Variants in LBP observed in about 807,000 individuals in gnomAD.
LBP encodes lipopolysaccharide-binding protein.
In LBP, 53 loss-of-function variants were observed where a neutral mutation model predicts 56.6. The ratio of observed to expected loss-of-function variants is 0.94; its 90% CI spans 0.75 to 1.18. The LOEUF is 1.18. Among genes scored for constraint, LBP ranks in the 50% most tolerant of loss-of-function variants. The pLI, the probability that LBP is intolerant of heterozygous loss-of-function variation, is 0.00. For synonymous variants in LBP, 227 were observed against 247.5 expected (o/e 0.92, Z 0.78); for missense variants, 601 against 598.3 (o/e 1.00, Z -0.05).
chr20:38,373,958 C>G lies in LBP; in HGVS notation c.1346C>G (p.Pro449Arg). ...CTAGATAAGTTGGCCGAAGGCTTCC[C>G]CCTTCCTCTGCTGAAGCGTGTTCAG... ...KFNDKLAEGF[P>R]LPLLKRVQLY... is the part of the protein sequence containing the mutation. The change falls in exon 14 of 15, where the codon CCC (proline) becomes CGC (arginine). Residue 449 changes from proline (P) to arginine (R), a missense_variant. Physicochemically the swap from Pro to Arg is moderately radical, Grantham distance 103 (BLOSUM62 -2). Coordinates refer to ENST00000217407, the MANE Select transcript of LBP (RefSeq NM_004139.5). The G allele has an allele frequency of 6.2e-7, 1 of 1,614,144 alleles. No homozygotes were observed. The highest frequency in any genetic ancestry group is 8.5e-7 in the Non-Finnish European group (1 of 1,180,008).
rs2076892656 is a variant in LBP, at chr20:38,369,123, G to A, written c.1110G>A (p.Leu370=). 24 of 1,613,970 alleles carry A rather than the reference G, an allele frequency of 1.5e-5. No homozygotes were observed. The East Asian group carries it at 4.2e-4, about 28-fold the overall frequency. ...PYMEIDAFVL[L]PSSSKEPVFR... ...TGGAGATAGATGCCTTTGTGCTCCT[G>A]CCCAGCTCCAGCAAGGAGCCTGTCT... Residue 370 remains leucine (L), a synonymous_variant, in exon 10 of 15, where the codon CTG becomes CTA. Transcript: ENST00000217407.
At chr20:38,375,339 T>C (rs919718891) in intron 14 of LBP, among the ~76,000 whole-genome samples, 7 of 151,964 alleles carry the variant, frequency 4.6e-5, no homozygotes, top group African/African-American at 1.7e-4. Flanking sequence ...CCCCAGCACT[T>C]TGGGAGGCCA....
chr20:38,361,439 CTG>C (rs2122610976), intron 6 of LBP, among the ~76,000 whole-genome samples: 1 of 152,212 alleles, frequency 6.6e-6, no homozygotes, highest in South Asian at 2.1e-4. Context: ...GGGTCTCACT[CTG>C]TGTCCCAGGC....
chr20:38,371,872 C>T (rs2076902093), intron 12 of LBP, among the ~76,000 whole-genome samples: 1 of 152,160 alleles, frequency 6.6e-6, no homozygotes, highest in South Asian at 2.1e-4. Flanking sequence ...ATCTTAGGCA[C>T]CCAGTCTTAA....
At chr20:38,359,292 T>C (rs1389052860) in intron 5 of LBP, among the ~76,000 whole-genome samples, 2 of 152,182 alleles carry the variant, frequency 1.3e-5, no homozygotes, top group East Asian at 1.9e-4. Context: ...AGAACCCTTA[T>C]AGCTGGGGCC....
At chr20:38,376,344 C>A (rs544114086) in intron 14 of LBP, among the ~76,000 whole-genome samples, 2 of 152,158 alleles carry the variant, frequency 1.3e-5, no homozygotes, top group East Asian at 1.9e-4. Context: ...TCATTATTTG[C>A]CAAAGAGAGA....
Position 38,350,799 on chromosome 20 carries a change from C to T in LBP, c.240-12C>T. 1.9e-6 allele frequency: 3 copies of T among 1,597,102 alleles called. No homozygotes were observed. The highest frequency in any genetic ancestry group is 2.6e-6 in the Non-Finnish European group (3 of 1,167,768). ...CCAGGGCTGACACCTCCTTCCATGTCTCTCCCTTCAGCCTGAACATCCACA... is the reference window on the plus strand; with the variant it reads ...CCAGGGCTGACACCTCCTTCCATGTTTCTCCCTTCAGCCTGAACATCCACA... On this transcript the variant is annotated splice_polypyrimidine_tract_variant and intron_variant, in intron 2 of 14. Coordinates refer to ENST00000217407, the MANE Select transcript of LBP (RefSeq NM_004139.5).
At chr20:38,356,087 C>A (rs938430790) in intron 5 of LBP, among the ~76,000 whole-genome samples, 1 of 135,768 alleles carries the variant, frequency 7.4e-6, no homozygotes, top group African/African-American at 2.8e-5. Flanking sequence ...ACACACCACA[C>A]CCCACACACA....
chr20:38,353,816 A>G (rs1600723116), intron 3 of LBP, among the ~76,000 whole-genome samples: 1 of 151,964 alleles, frequency 6.6e-6, no homozygotes, highest in Non-Finnish European at 1.5e-5. Context: ...TGACTTTTAC[A>G]TGCTTATTTT....
At chr20:38,376,562 C>A in intron 14 of LBP, 63 bp from the exon 15 acceptor site, 1 of 1,457,794 alleles carries the variant, frequency 6.9e-7, no homozygotes, top group Non-Finnish European at 9.6e-7. Flanking sequence ...CTTTCAATCG[C>A]AGATGCATCT....
At chr20:38,369,944 G>T (rs1275366658) in intron 10 of LBP, among the ~76,000 whole-genome samples, 1 of 152,158 alleles carries the variant, frequency 6.6e-6, no homozygotes, top group African/African-American at 2.4e-5. Context: ...GGAGAACTCT[G>T]CTCTCTTGTT....
rs1249435969 is a variant in LBP, at chr20:38,348,777, AGTTTAGTTTAGTTTT to A, written c.125-766_125-752del. ...AGTTTAGTTTAGTTTAGTTTAGTTT[AGTTTAGTTTAGTTTT>A]GTTTTGTTTTGTTTTGTTTGAGACA... is the stretch of plus-strand genomic sequence containing the variant. On this transcript the variant is annotated intron_variant, in intron 1 of 14. Coordinates refer to ENST00000217407, the MANE Select transcript of LBP (RefSeq NM_004139.5). Among the ~76,000 whole-genome samples, 1,255 of 130,690 alleles carry A rather than the reference AGTTTAGTTTAGTTTT, an allele frequency of 9.6e-3. 15 individuals carry two copies. Among genetic ancestry groups the A allele is most frequent in the African/African-American group, 0.032 (1,125 of 34,858 alleles). 85.7% of individuals were successfully genotyped at this position (130,690 alleles called of 152,430 possible).
In LBP at chr20:38,360,735, C is replaced by T. The variant is rs1359863793; in HGVS notation, c.620C>T (p.Ser207Phe). ...ICEMIQKSVSSDLQPYLQTLP... is the reference protein window; with the variant it reads ...ICEMIQKSVSFDLQPYLQTLP... The stretch of plus-strand genomic sequence containing the variant: ...GAAATGATCCAGAAATCAGTGTCCT[C>T]CGATCTACAGCCTTATCTCCAAACT... The change falls in exon 6 of 15, where the codon TCC becomes TTC. Residue 207 changes from serine (S) to phenylalanine (F), a missense_variant. By Grantham distance (155) the Ser-to-Phe change is radical (BLOSUM62 -2). Transcript: ENST00000217407. 1 of 1,613,094 alleles carries T rather than the reference C, an allele frequency of 6.2e-7. No homozygotes were observed. Among genetic ancestry groups the T allele is most frequent in the Non-Finnish European group, 8.5e-7 (1 of 1,179,248 alleles).
chr20:38,353,827 G>T (rs1167810470), intron 3 of LBP, among the ~76,000 whole-genome samples: 1 of 151,788 alleles, frequency 6.6e-6, no homozygotes, highest in Non-Finnish European at 1.5e-5. Flanking sequence ...TGCTTATTTT[G>T]TACTGCATTT....
intron 9 of LBP, among the ~76,000 whole-genome samples, chr20:38,367,860 ATC>A (rs908920245): frequency 6.4e-4 from 97 of 152,268 alleles, no homozygotes; most frequent in Non-Finnish European, 1.1e-3. Flanking sequence ...CTCTGTACCT[ATC>A]TCTAGTACAC....
At position 38,376,713 on chromosome 20, in the gene LBP, G is replaced by C. The variant is rs751736542; in HGVS notation, c.*44G>C. 1 of 1,547,642 alleles carries C rather than the reference G, an allele frequency of 6.5e-7. No individual in the cohort carries two copies. The highest frequency in any genetic ancestry group is 8.9e-7 in the Non-Finnish European group (1 of 1,119,836). ...TTGGAGGTCACAGCTGGATCTGCTT[G>C]TTGCATTTCCAGCTGTGCAGCACGT... On this transcript the variant is annotated 3_prime_UTR_variant, in exon 15 of 15. Transcript: ENST00000217407.
chr20:38,366,159 G>A (rs545940018), intron 8 of LBP, among the ~76,000 whole-genome samples: 5 of 152,254 alleles, frequency 3.3e-5, no homozygotes, highest in Admixed American at 6.5e-5. Flanking sequence ...AGTGTGGTTC[G>A]GCTCAGACGG....
Position 38,350,919 on chromosome 20 carries a change from G to A in LBP, c.348G>A (p.Trp116Ter), listed in dbSNP as rs1363738806. 3 of 1,614,008 alleles carry A rather than the reference G, an allele frequency of 1.9e-6. No homozygotes were observed. The East Asian group carries it at 6.7e-5, about 36-fold the overall frequency. The change falls in exon 3 of 15, where the codon TGG becomes TGA. Residue 116 changes from tryptophan to a stop codon, truncating the protein, a stop_gained. Transcript: ENST00000217407. LOFTEE classifies it high-confidence loss of function. ...CCTCCATCCGGGTCCAGGGCAGGTG[G>A]AAGGTGCGCAAGTCATTCTTGTAAG... ...SDSSIRVQGR[W>*]KVRKSFFKLQ...
chr20:38,360,811 T>C lies in LBP; in HGVS notation c.652+44T>C. 3 of 1,420,812 alleles carry C rather than the reference T, an allele frequency of 2.1e-6. No individual in the cohort carries two copies. The South Asian group carries it at 3.5e-5, about 16-fold the overall frequency. The allele number at this position is 1,420,812 out of a possible 1,614,324, so 88.0% of individuals were successfully genotyped here. The stretch of plus-strand genomic sequence containing the variant: ...CCCGGGACACTTTTATTTCTGTTAA[T>C]TTCTATAAGAGCATATATATATCTT... On this transcript the variant is annotated intron_variant, in intron 6 of 14. Coordinates refer to ENST00000217407, the MANE Select transcript of LBP (RefSeq NM_004139.5).
Sources: gnomAD v4.1 joint callset for allele counts (sites outside exome capture counted in the v4.1 genomes callset) on GRCh38, gnomAD v4.1.1 for gene constraint, MANE v1.5 for transcripts, NCBI Gene and HGNC (gene_info 2026-07-23, HGNC 2026-07-21) for gene names.